Variants in SCN11A observed in about 807,000 individuals in gnomAD.
The protein encoded by SCN11A is sodium voltage-gated channel alpha subunit 11, also known as sodium channel protein type 11 subunit alpha.
A neutral mutation model predicts 162.2 loss-of-function variants in SCN11A; 122 were observed. That is an observed-to-expected ratio of 0.75 (90% confidence interval 0.65 to 0.87). The LOEUF is 0.87. Among genes scored for constraint, SCN11A ranks in the 40% least tolerant of loss-of-function variants. The pLI, the probability that SCN11A is intolerant of heterozygous loss-of-function variation, is 0.00. For missense variants in SCN11A, 2,015 were observed against 2,181.6 expected (o/e 0.92, Z 1.52); for synonymous variants, 758 against 751.5 (o/e 1.01, Z -0.14).
chr3:39,035,086 TA>T (rs370500490), intron 1 of SCN11A, among the ~76,000 whole-genome samples: 5 of 150,478 alleles, frequency 3.3e-5, no homozygotes, highest in Admixed American at 2.6e-4. Flanking sequence ...TTCACAGAAA[TA>T]AAAAAAAATC....
chr3:38,964,510 C>A (rs2066769243), intron 2 of SCN11A, among the ~76,000 whole-genome samples: 1 of 152,186 alleles, frequency 6.6e-6, no homozygotes, highest in African/African-American at 2.4e-5. Flanking sequence ...CAAGGAGCTG[C>A]AAGTAAGATA....
intron 2 of SCN11A, among the ~76,000 whole-genome samples, chr3:38,993,292 G>C (rs2030510322): frequency 6.6e-6 from 1 of 152,124 alleles, no homozygotes; most frequent in Admixed American, 6.5e-5. Context: ...GGAGAATCCA[G>C]GATGAAGGCT....
chr3:39,026,981 C>T (rs1316133509), intron 2 of SCN11A, among the ~76,000 whole-genome samples: 2 of 152,152 alleles, frequency 1.3e-5, no homozygotes, highest in African/African-American at 4.8e-5. Flanking sequence ...CTAGATGTCC[C>T]TAAAGCCCCC....
chr3:38,921,340 CGGAAACTGTCAAATTGCAGGCT>C, intron 9 of SCN11A, 85 bp from the exon 10 acceptor site: 4 of 1,289,880 alleles, frequency 3.1e-6, no homozygotes, highest in Non-Finnish European at 4.3e-6. Flanking sequence ...ACTGAAGTCT[CGGAAACTGTCAAATTGCAGGCT>C]GGAACTGGAC....
chr3:38,974,694 CAAAAAAAAAAAAAAA>C (rs773028321), intron 2 of SCN11A, among the ~76,000 whole-genome samples: 4 of 48,150 alleles, frequency 8.3e-5, no homozygotes, highest in Non-Finnish European at 1.4e-4. Flanking sequence ...GACTCCGTCT[CAAAAAAAAAAAAAAA>C]AAAAGAAAAG....
chr3:39,031,543 A>C (rs201858673), intron 2 of SCN11A, among the ~76,000 whole-genome samples: 21,289 of 139,986 alleles, frequency 0.15, 1,803 homozygotes, highest in African/African-American at 0.27. Flanking sequence ...ACAAACAAAC[A>C]AAAAAAAAAC....
In SCN11A at chr3:38,910,002, T is replaced by C; in HGVS notation, c.1101+64A>G. ...AAATGGTAAATAAATAGGTAAGTGA[T>C]AGAGGGGGAAGGAAAAGGATGGAGG... is the stretch of plus-strand genomic sequence containing the variant. On this transcript the variant is annotated intron_variant, in intron 12 of 29. Coordinates refer to ENST00000302328, the MANE Select transcript of SCN11A (RefSeq NM_001349253.2). The C allele has an allele frequency of 1.3e-5, 19 of 1,479,570 alleles. No homozygotes were observed. In the South Asian group the frequency reaches 2.2e-4, roughly 17 times the overall value. The allele number at this position is 1,479,570 out of a possible 1,614,324, so 91.7% of individuals were successfully genotyped here.
chr3:38,987,461 C>G (rs2030298763), intron 2 of SCN11A, among the ~76,000 whole-genome samples: 1 of 152,186 alleles, frequency 6.6e-6, no homozygotes, highest in African/African-American at 2.4e-5. Context: ...GTCTCTCTCT[C>G]AGTGCCTGAA....
rs139558791 is a variant in SCN11A at position 38,929,172 on chromosome 3, C to CACACACACACACACACACAT, written c.489-2242_489-2241insATGTGTGTGTGTGTGTGTGT. On this transcript the variant is annotated intron_variant, in intron 7 of 29. Transcript: ENST00000302328. ...ACACACACACACACACACACACACA[C>CACACACACACACACACACAT]ATGTTTGGGACTGAAACAAGTAATT... Among the ~76,000 whole-genome samples, 249 of 79,830 alleles carry CACACACACACACACACACAT rather than the reference C, an allele frequency of 3.1e-3. 2 individuals are homozygous for CACACACACACACACACACAT. The highest frequency in any genetic ancestry group is 6.6e-3 in the African/African-American group (214 of 32,476). 52.4% of individuals were successfully genotyped at this position (79,830 alleles called of 152,430 possible). A position where few individuals can be genotyped will look rare whatever the true frequency, so the allele number is the denominator to read the frequency against.
intron 19 of SCN11A, among the ~76,000 whole-genome samples, chr3:38,890,639 G>A (rs560980543): frequency 1.3e-5 from 2 of 152,240 alleles, no homozygotes; most frequent in Non-Finnish European, 2.9e-5. Flanking sequence ...GCATTGTCAA[G>A]GAAAATAGAG....
chr3:38,917,537 A>G (rs943925743), intron 11 of SCN11A, among the ~76,000 whole-genome samples: 9 of 152,222 alleles, frequency 5.9e-5, no homozygotes. Context: ...GCTGGAGGCT[A>G]TTAACCTTAA....
intron 7 of SCN11A, among the ~76,000 whole-genome samples, chr3:38,932,535 G>C (rs546476161): frequency 2.0e-5 from 3 of 152,178 alleles, no homozygotes; most frequent in African/African-American, 7.2e-5. Flanking sequence ...GCGCTTTTCC[G>C]ACGGGCTTAA....
chr3:38,950,582 C>A, intron 4 of SCN11A: 1 of 550,006 alleles, frequency 1.8e-6, no homozygotes, highest in Non-Finnish European at 3.2e-6. Context: ...TAGACAAAAC[C>A]AAAGCAGGGC....
chr3:38,925,293 A>C (rs188681534), intron 9 of SCN11A, 122 bp downstream of exon 9: 2 of 681,768 alleles, frequency 2.9e-6, no homozygotes, highest in African/African-American at 1.8e-5. Context: ...TGGACCATCA[A>C]ATAAATTTGT....
intron 7 of SCN11A, among the ~76,000 whole-genome samples, chr3:38,934,117 A>C (rs867657066): frequency 6.2e-4 from 95 of 152,264 alleles, no homozygotes; most frequent in South Asian, 3.1e-3. Flanking sequence ...TCATATCCAG[A>C]CAAACTAAGC....
At position 39,006,099 on chromosome 3, in the gene SCN11A, TAAG is replaced by T. The variant is rs565878237; in HGVS notation, c.-280+26278_-280+26280del. Among the ~76,000 whole-genome samples the T allele has an allele frequency of 8.9e-4, 136 of 152,382 alleles. 2 individuals are homozygous for T. Among genetic ancestry groups the T allele is most frequent in the African/African-American group, 3.2e-3 (132 of 41,610 alleles). ...TGTCTTTTTTGTTCAATGTTTTTGA[TAAG>T]AAGGCTTATGACAATCTGATTATCA... On this transcript the variant is annotated intron_variant, in intron 2 of 29. Coordinates refer to ENST00000302328, the MANE Select transcript of SCN11A (RefSeq NM_001349253.2).
chr3:38,951,558 G>A (rs557926366), intron 4 of SCN11A, among the ~76,000 whole-genome samples: 18 of 152,384 alleles, frequency 1.2e-4, no homozygotes, highest in African/African-American at 4.1e-4. Context: ...AGGACTGGCA[G>A]GCAGCTCCAC....
At chr3:38,999,016 C>A (rs1452414016) in intron 2 of SCN11A, among the ~76,000 whole-genome samples, 1 of 151,934 alleles carries the variant, frequency 6.6e-6, no homozygotes, top group African/African-American at 2.4e-5. Context: ...ATGTAACTAA[C>A]CTGCACGTTG....
At chr3:38,970,169 G>A (rs971280996) in intron 2 of SCN11A, among the ~76,000 whole-genome samples, 1 of 152,156 alleles carries the variant, frequency 6.6e-6, no homozygotes, top group Admixed American at 6.5e-5. Context: ...ATAGCAAGAG[G>A]GGGGATCTCT....
Sources: allele counts gnomAD v4.1 joint callset (sites outside exome capture counted in the v4.1 genomes callset), GRCh38; gene constraint gnomAD v4.1.1; transcripts MANE v1.5; gene names NCBI Gene and HGNC (gene_info 2026-07-23, HGNC 2026-07-21).